Variants in TXNRD1 observed in about 807,000 individuals in gnomAD.
TXNRD1 encodes the protein thioredoxin reductase 1.
A neutral mutation model predicts 80.3 loss-of-function variants in TXNRD1; 57 were observed. The observed-to-expected ratio is 0.71, with a 90% CI of 0.57 to 0.89. The LOEUF (loss-of-function observed/expected upper bound fraction) is 0.89. Among genes scored for constraint, TXNRD1 ranks in the 40% least tolerant of loss-of-function variants. TXNRD1 has a pLI of 0.00. For missense variants in TXNRD1, 730 were observed against 803.0 expected, an observed-to-expected ratio of 0.91 and a Z score of 1.10; for synonymous variants, 291 against 285.2, an observed-to-expected ratio of 1.02 and a Z score of -0.20.
chr12:104,299,767 CA>C (rs35918319), intron 4 of TXNRD1, among the ~76,000 whole-genome samples: 1,604 of 104,824 alleles, frequency 0.015, 24 homozygotes, highest in African/African-American at 0.045. Flanking sequence ...GACTCCGTCT[CA>C]AAAAAAAAAA....
intron 7 of TXNRD1, among the ~76,000 whole-genome samples, chr12:104,317,329 C>T (rs1241935128): frequency 6.7e-6 from 1 of 150,258 alleles, no homozygotes; most frequent in East Asian, 2.0e-4. Flanking sequence ...GCTACCTGGT[C>T]CTCTAGAACC....
At chr12:104,241,062 C>T (rs1270437396) in intron 1 of TXNRD1, among the ~76,000 whole-genome samples, 6 of 129,854 alleles carry the variant, frequency 4.6e-5, no homozygotes, top group Non-Finnish European at 6.6e-5. Context: ...TTTTTTGAGA[C>T]AGAGTCTCAC....
intron 4 of TXNRD1, among the ~76,000 whole-genome samples, chr12:104,294,232 G>GGGC (rs1555212584): frequency 0.41 from 4,092 of 10,056 alleles, 989 homozygotes; most frequent in Middle Eastern, 0.56. Flanking sequence ...CCCGGGGAAA[G>GGGC]GCCCCCCCCC....
intron 3 of TXNRD1, among the ~76,000 whole-genome samples, chr12:104,269,404 T>C (rs1411188908): frequency 2.7e-5 from 4 of 149,028 alleles, no homozygotes; most frequent in Admixed American, 6.7e-5. Context: ...TCTTTCTTTT[T>C]TTTTTTTTTT....
At chr12:104,334,856 C>T (rs991732468) in intron 15 of TXNRD1, among the ~76,000 whole-genome samples, 3 of 152,162 alleles carry the variant, frequency 2.0e-5, no homozygotes, top group Non-Finnish European at 4.4e-5. Flanking sequence ...CCAAAACTTA[C>T]TGAGTGAAGG....
intron 4 of TXNRD1, chr12:104,304,451 G>T: frequency 6.2e-7 from 1 of 1,613,930 alleles, no homozygotes; most frequent in Non-Finnish European, 8.5e-7. Context: ...TTTTGTTTTT[G>T]GTTCATTCAA....
chr12:104,313,170 C>A, intron 5 of TXNRD1, 75 bp from the exon 6 acceptor site: 3 of 1,206,756 alleles, frequency 2.5e-6, no homozygotes, highest in Non-Finnish European at 3.6e-6. Flanking sequence ...AAAAAAAAAT[C>A]ATGGATTTTT....
chr12:104,272,990 C>A (rs769022348), intron 3 of TXNRD1, among the ~76,000 whole-genome samples: 1 of 147,274 alleles, frequency 6.8e-6, no homozygotes, highest in Non-Finnish European at 1.5e-5. Context: ...GACTCCATCT[C>A]AAAAAAAAAA....
At chr12:104,271,914 T>A (rs1033250700) in intron 3 of TXNRD1, among the ~76,000 whole-genome samples, 1 of 151,712 alleles carries the variant, frequency 6.6e-6, no homozygotes, top group African/African-American at 2.4e-5. Flanking sequence ...TTGGATTCAC[T>A]TTAAGAAAGA....
chr12:104,304,042 G>A (rs765949520), intron 4 of TXNRD1: 1 of 1,613,606 alleles, frequency 6.2e-7, no homozygotes, highest in Admixed American at 1.7e-5. Flanking sequence ...ACGAGGAGAA[G>A]TGCCGCAGCA....
At chr12:104,325,915 G>A (rs1164037947) in intron 11 of TXNRD1, among the ~76,000 whole-genome samples, 1 of 151,160 alleles carries the variant, frequency 6.6e-6, no homozygotes, top group Non-Finnish European at 1.5e-5. Context: ...GATGGCTTCA[G>A]ATTTTTTCCA....
intron 1 of TXNRD1, among the ~76,000 whole-genome samples, chr12:104,234,638 GAAAAAAA>G (rs33956129): frequency 7.9e-6 from 1 of 125,926 alleles, no homozygotes. Flanking sequence ...TAAAGTCAGG[GAAAAAAA>G]AAAAAAAAAA....
At chr12:104,319,089 T>C in intron 8 of TXNRD1, 34 bp downstream of exon 8, 1 of 1,568,700 alleles carries the variant, frequency 6.4e-7, no homozygotes, top group Non-Finnish European at 8.6e-7. Context: ...GCTTTTTTTT[T>C]TTCTTTTTTC....
chr12:104,226,007 C>T (rs940501286), intron 1 of TXNRD1, among the ~76,000 whole-genome samples: 5 of 152,016 alleles, frequency 3.3e-5, no homozygotes, highest in African/African-American at 1.2e-4. Flanking sequence ...CAAGACCAGC[C>T]TGACCAACAT....
chr12:104,241,258 G>T (rs1182488594), intron 1 of TXNRD1, among the ~76,000 whole-genome samples: 12 of 149,722 alleles, frequency 8.0e-5, no homozygotes, highest in Non-Finnish European at 1.3e-4. Context: ...CCAGGCTGGT[G>T]TCAAACTCCT....
chr12:104,260,162 C>T (rs754196809), intron 3 of TXNRD1, among the ~76,000 whole-genome samples: 6 of 151,496 alleles, frequency 4.0e-5, no homozygotes, highest in South Asian at 4.2e-4. Context: ...GGAGAAACCC[C>T]GTCTGTACTA....
intron 2 of TXNRD1, among the ~76,000 whole-genome samples, chr12:104,256,691 C>A (rs4964729): frequency 0.93 from 140,063 of 150,888 alleles, 65,145 homozygotes; most frequent in East Asian, 1. Flanking sequence ...AGGCAGGAGA[C>A]TCGCCTGAAC....
At position 104,331,593 on chromosome 12, in the gene TXNRD1, C is replaced by A; in HGVS notation, c.1602C>A (p.Gly534=). The change falls in exon 14 of 17, where the codon GGC becomes GGA. Residue 534 remains glycine, a synonymous_variant. Transcript: ENST00000525566. ...VFTPLEYGAC[G]LSEEKAVEKF... ...CTCCTTTGGAATATGGTGCTTGTGG[C>A]CTTTCTGAGGAGAAAGCTGTGGAGA... 1 of 1,612,194 alleles carries A rather than the reference C, an allele frequency of 6.2e-7. No homozygotes were observed. The highest frequency in any genetic ancestry group is 1.1e-5 in the South Asian group (1 of 90,774).
intron 3 of TXNRD1, among the ~76,000 whole-genome samples, chr12:104,276,110 T>G (rs932327011): frequency 1.3e-5 from 2 of 152,184 alleles, no homozygotes; most frequent in African/African-American, 4.8e-5. Context: ...CCCAGAGATT[T>G]ACAAAAGAGG....
Sources: gnomAD v4.1 joint callset for allele counts (sites outside exome capture counted in the v4.1 genomes callset) on GRCh38, gnomAD v4.1.1 for gene constraint, MANE v1.5 for transcripts, NCBI Gene and HGNC (gene_info 2026-07-23, HGNC 2026-07-21) for gene names.